TAS2R1: variants seen among roughly 807,000 people sequenced by gnomAD.
TAS2R1 encodes the protein taste receptor type 2 member 1.
For synonymous variants in TAS2R1, 141 were observed against 134.2 expected (o/e 1.05, Z -0.35); for missense variants, 370 against 353.4 (o/e 1.05, Z -0.38).
At chr5:9,866,482 T>C in the TAS2R1 span, among the ~76,000 whole-genome samples, 2 of 152,216 alleles carry the variant, frequency 1.3e-5, no homozygotes, top group South Asian at 4.1e-4. Flanking sequence ...ATTTAAGACT[T>C]TGAATAAGGT....
chr5:9,862,451 C>A, the TAS2R1 span, among the ~76,000 whole-genome samples: 3 of 152,118 alleles, frequency 2.0e-5, no homozygotes, highest in East Asian at 3.9e-4. Context: ...ACCTTCTGTG[C>A]ATCAGACCGC....
chr5:9,812,470 G>T, the TAS2R1 span, among the ~76,000 whole-genome samples: 2 of 151,860 alleles, frequency 1.3e-5, no homozygotes, highest in African/African-American at 4.8e-5. Context: ...AGGTAAGGGG[G>T]GCCAGAGATA....
chr5:9,875,566 C>A, the TAS2R1 span, among the ~76,000 whole-genome samples: 1 of 152,188 alleles, frequency 6.6e-6, no homozygotes, highest in Admixed American at 6.5e-5. Flanking sequence ...CCACAGCCTC[C>A]CCGACAAACC....
At chr5:9,747,441 G>A in the TAS2R1 span, among the ~76,000 whole-genome samples, 2 of 152,120 alleles carry the variant, frequency 1.3e-5, no homozygotes, top group Admixed American at 6.6e-5. Flanking sequence ...TTCCACTCAA[G>A]GCAGAATGGG....
chr5:9,635,955 TTA>T (rs949372804), intron 2 of TAS2R1, among the ~76,000 whole-genome samples: 2 of 152,098 alleles, frequency 1.3e-5, no homozygotes, highest in Non-Finnish European at 2.9e-5. Context: ...CTGATATTTG[TTA>T]TTTCTTTTTT....
the TAS2R1 span, among the ~76,000 whole-genome samples, chr5:9,744,774 T>G: frequency 6.6e-6 from 1 of 152,346 alleles, no homozygotes; most frequent in Non-Finnish European, 1.5e-5. Context: ...TTCTTTATTC[T>G]TAACCTAGAA....
At chr5:9,711,217 T>C (rs1166750609) in intron 1 of TAS2R1, among the ~76,000 whole-genome samples, 1 of 152,038 alleles carries the variant, frequency 6.6e-6, no homozygotes, top group African/African-American at 2.4e-5. Flanking sequence ...TGCACTCCCA[T>C]GTTCACCGCA....
chr5:9,714,627 G>C (rs1314905716), upstream of TAS2R1, among the ~76,000 whole-genome samples: 1 of 152,212 alleles, frequency 6.6e-6, no homozygotes, highest in Non-Finnish European at 1.5e-5. Flanking sequence ...AATAGGGATT[G>C]GCACATAAGA....
chr5:9,817,536 AG>A, the TAS2R1 span, among the ~76,000 whole-genome samples: 1 of 152,192 alleles, frequency 6.6e-6, no homozygotes, highest in Non-Finnish European at 1.5e-5. Flanking sequence ...GCAATGTTCT[AG>A]TTAGATAGTG....
intron 1 of TAS2R1, among the ~76,000 whole-genome samples, chr5:9,675,210 C>T (rs1467349777): frequency 1.3e-5 from 2 of 150,506 alleles, no homozygotes; most frequent in South Asian, 2.1e-4. Context: ...AGTCTATGTT[C>T]ACAGATTGGA....
chr5:9,822,868 A>G, the TAS2R1 span, among the ~76,000 whole-genome samples: 1 of 152,118 alleles, frequency 6.6e-6, no homozygotes, highest in Non-Finnish European at 1.5e-5. Context: ...TTGTGCTACA[A>G]TAAAAAACAG....
the TAS2R1 span, among the ~76,000 whole-genome samples, chr5:9,737,040 C>A: frequency 6.6e-6 from 1 of 152,196 alleles, no homozygotes; most frequent in East Asian, 1.9e-4. Context: ...ATCTTCTACC[C>A]TTTCTCATTG....
intron 1 of TAS2R1, among the ~76,000 whole-genome samples, chr5:9,709,199 AAAAAAG>A: frequency 6.6e-6 from 1 of 152,118 alleles, no homozygotes; most frequent in South Asian, 2.1e-4. Flanking sequence ...AAAAAAAAAA[AAAAAAG>A]AAAAGAAAAC....
At chr5:9,834,116 G>A in the TAS2R1 span, among the ~76,000 whole-genome samples, 1 of 152,288 alleles carries the variant, frequency 6.6e-6, no homozygotes, top group East Asian at 1.9e-4. Context: ...AAGAGCGTAA[G>A]GTCCCTGGCT....
intron 2 of TAS2R1, among the ~76,000 whole-genome samples, chr5:9,642,829 C>A (rs1000626364): frequency 6.6e-6 from 1 of 152,146 alleles, no homozygotes; most frequent in Non-Finnish European, 1.5e-5. Context: ...GAAACAGAAG[C>A]CACAGATGCT....
At chr5:9,811,334 A>G in the TAS2R1 span, among the ~76,000 whole-genome samples, 1 of 152,216 alleles carries the variant, frequency 6.6e-6, no homozygotes, top group African/African-American at 2.4e-5. Flanking sequence ...AGTCTACGAC[A>G]TTTTGTTATA....
intron 1 of TAS2R1, among the ~76,000 whole-genome samples, chr5:9,689,634 G>A (rs982819593): frequency 2.0e-5 from 3 of 151,976 alleles, no homozygotes; most frequent in Non-Finnish European, 4.4e-5. Flanking sequence ...TTTCAGGCTT[G>A]AGAGTCTTTT....
chr5:9,648,319 TA>T (rs1270760822), intron 2 of TAS2R1, among the ~76,000 whole-genome samples: 1 of 152,136 alleles, frequency 6.6e-6, no homozygotes, highest in African/African-American at 2.4e-5. Context: ...TTTAAATAAA[TA>T]ACTTAAAACT....
At chr5:9,821,403 G>A in the TAS2R1 span, among the ~76,000 whole-genome samples, 2 of 152,182 alleles carry the variant, frequency 1.3e-5, no homozygotes, top group Middle Eastern at 3.2e-3. Context: ...CTCAAATCTG[G>A]AAAGGTCATT....
Sources: allele counts gnomAD v4.1 joint callset (sites outside exome capture counted in the v4.1 genomes callset), GRCh38; gene constraint gnomAD v4.1.1; transcripts MANE v1.5; gene names NCBI Gene and HGNC (gene_info 2026-07-23, HGNC 2026-07-21).